The following FAM120C variants were observed in gnomAD, a reference collection of about 807,000 sequenced individuals.
FAM120C encodes the protein family with sequence similarity 120 member C.
A neutral mutation model predicts 71.2 loss-of-function variants in FAM120C; 14 were observed. That is an observed-to-expected ratio of 0.20 (90% confidence interval 0.13 to 0.31). FAM120C has a LOEUF of 0.31. FAM120C is among the 10% of genes least tolerant of loss of function. FAM120C has a pLI of 1.00. For missense variants in FAM120C, 500 were observed against 879.0 expected (o/e 0.57, Z 5.45); for synonymous variants, 354 against 353.2 (o/e 1.00, Z -0.03).
chrX:54,128,271 C>T (rs1557128390), intron 9 of FAM120C, among the ~76,000 whole-genome samples: 1 of 111,429 alleles, frequency 9.0e-6, no homozygotes, highest in East Asian at 2.8e-4. Flanking sequence ...GTTGGCCAGG[C>T]TGGTTTCAAA....
chrX:54,134,061 AAGAC>A lies in FAM120C; in HGVS notation c.1617-19_1617-16del, dbSNP rs2067081881. ...CTGTGATATGACTAAAAAATGTAGAAAGACAGTGTCAAACAGAAAAGGGAGATTG... is the reference window on the plus strand; with the variant it reads ...CTGTGATATGACTAAAAAATGTAGAAAGTGTCAAACAGAAAAGGGAGATTG... On this transcript the variant is annotated splice_polypyrimidine_tract_variant and intron_variant, in intron 7 of 15. Transcript: ENST00000375180. 3 of 1,200,427 alleles carry A rather than the reference AAGAC, an allele frequency of 2.5e-6. No individual in the cohort carries two copies. Among genetic ancestry groups the A allele is most frequent in the Non-Finnish European group, 3.4e-6 (3 of 889,880 alleles).
chrX:54,139,379 C>T (rs947795220), intron 4 of FAM120C, among the ~76,000 whole-genome samples: 21 of 65,828 alleles, frequency 3.2e-4, no homozygotes, highest in African/African-American at 8.4e-4. Flanking sequence ...TGGAGTCTTG[C>T]TCTGTGCCCA....
At chrX:54,108,127 CA>C (rs58819333) in intron 10 of FAM120C, among the ~76,000 whole-genome samples, 15,051 of 105,488 alleles carry the variant, frequency 0.14, 2,249 homozygotes, top group African/African-American at 0.44. Flanking sequence ...CCCCTTTGCA[CA>C]AAAACTTACT....
intron 9 of FAM120C, among the ~76,000 whole-genome samples, chrX:54,117,685 G>A (rs1384561103): frequency 3.7e-5 from 4 of 107,859 alleles, no homozygotes; most frequent in Admixed American, 3.0e-4. Flanking sequence ...GCGACAGAGC[G>A]AGACTTCGTT....
At position 54,171,289 on chromosome X, in the gene FAM120C, T is replaced by C. The variant is rs782087063; in HGVS notation, c.699+11211A>G. Among the ~76,000 whole-genome samples, 8 of 110,851 alleles carry C rather than the reference T, an allele frequency of 7.2e-5. No individual in the cohort carries two copies. The East Asian group carries it at 2.0e-3, about 28-fold the overall frequency. ...TCTGGGTGTGGGTGGCACATGCCAGTAGTCCTAGCTACTGGGGAGGCTGAG... is the reference window on the plus strand; with the variant it reads ...TCTGGGTGTGGGTGGCACATGCCAGCAGTCCTAGCTACTGGGGAGGCTGAG... On this transcript the variant is annotated intron_variant, in intron 1 of 15. Coordinates refer to ENST00000375180, the MANE Select transcript of FAM120C (RefSeq NM_017848.6).
chrX:54,156,165 G>A (rs1337603461), intron 3 of FAM120C, among the ~76,000 whole-genome samples: 1 of 110,134 alleles, frequency 9.1e-6, no homozygotes, highest in Non-Finnish European at 1.9e-5. Context: ...TGAACTGAGA[G>A]TGAGCAAATG....
intron 11 of FAM120C, 132 bp downstream of exon 11, chrX:54,091,180 A>G (rs2066822221): frequency 2.3e-6 from 1 of 436,243 alleles, no homozygotes; most frequent in African/African-American, 2.5e-5. Context: ...AGACATAAAT[A>G]TTTGGTTAAA....
intron 9 of FAM120C, among the ~76,000 whole-genome samples, chrX:54,124,460 C>CG (rs2067014283): frequency 1.3e-5 from 1 of 78,138 alleles, no homozygotes; most frequent in African/African-American, 4.6e-5. Context: ...GCGCAATATT[C>CG]GGGTGGGAGT....
chrX:54,139,680 T>C (rs992066118), intron 4 of FAM120C, among the ~76,000 whole-genome samples: 2 of 110,666 alleles, frequency 1.8e-5, no homozygotes, highest in Admixed American at 1.9e-4. Flanking sequence ...ATTTGTATTT[T>C]TGAGACAGAC....
chrX:54,140,564 G>A (rs2038716606), intron 4 of FAM120C, among the ~76,000 whole-genome samples: 1 of 105,205 alleles, frequency 9.5e-6, no homozygotes, highest in African/African-American at 3.5e-5. Flanking sequence ...AGGTTGCAGT[G>A]AGCTGAAATC....
intron 11 of FAM120C, among the ~76,000 whole-genome samples, chrX:54,090,880 T>C (rs1185886132): frequency 9.0e-6 from 1 of 111,400 alleles, no homozygotes; most frequent in African/African-American, 3.3e-5. Flanking sequence ...CTCCCCTCTA[T>C]ACTACTGTGC....
chrX:54,140,897 G>T (rs782343293), intron 4 of FAM120C, among the ~76,000 whole-genome samples: 4 of 101,736 alleles, frequency 3.9e-5, no homozygotes, highest in African/African-American at 1.4e-4. Flanking sequence ...CCAAGATTGT[G>T]TCACTGCACT....
chrX:54,116,810 T>C lies in FAM120C; in HGVS notation c.2063-16A>G, dbSNP rs782048425. The C allele has an allele frequency of 1.7e-6, 2 of 1,202,600 alleles. No individual in the cohort carries two copies. Among genetic ancestry groups the C allele is most frequent in the African/African-American group, 3.5e-5 (2 of 56,710 alleles). ...ACTGAAGGAACTGGAAAACAGAAATTGAGGAAAAAGAGGCTCTAGAGAATC... is the reference window on the plus strand; with the variant it reads ...ACTGAAGGAACTGGAAAACAGAAATCGAGGAAAAAGAGGCTCTAGAGAATC... On this transcript the variant is annotated splice_polypyrimidine_tract_variant and intron_variant, in intron 9 of 15. Coordinates refer to ENST00000375180, the MANE Select transcript of FAM120C (RefSeq NM_017848.6).
chrX:54,174,283 G>C, intron 1 of FAM120C: 1 of 464,118 alleles, frequency 2.2e-6, no homozygotes. Flanking sequence ...CTCATCAGAA[G>C]CAAGTCACTA....
rs782312394 is a variant in FAM120C at position 54,071,448 on chromosome X, T to C, written c.*1585A>G. 8.9e-6 allele frequency: 1 copy of C among 112,805 alleles called. No homozygotes were observed. Among genetic ancestry groups the C allele is most frequent in the East Asian group, 2.8e-4 (1 of 3,588 alleles). 9.3% of individuals were successfully genotyped at this position (112,805 alleles called of 1,213,427 possible). On this transcript the variant is annotated 3_prime_UTR_variant, in exon 16 of 16. Coordinates refer to ENST00000375180, the MANE Select transcript of FAM120C (RefSeq NM_017848.6). ...AACAATCTAGGCGTGTAAAATCAAA[T>C]AGTTTCCTCACACTTCCCTACCCTA...
At chrX:54,154,246 A>C (rs781858186) in intron 3 of FAM120C, among the ~76,000 whole-genome samples, 2 of 105,372 alleles carry the variant, frequency 1.9e-5, no homozygotes, top group Non-Finnish European at 3.9e-5. Flanking sequence ...TTTGCTGACA[A>C]ATGAGATGTG....
At chrX:54,127,943 G>A (rs1557128302) in intron 9 of FAM120C, among the ~76,000 whole-genome samples, 1 of 110,722 alleles carries the variant, frequency 9.0e-6, no homozygotes, top group Non-Finnish European at 1.9e-5. Flanking sequence ...TGTATGCCCA[G>A]TAGTGGGATG....
At chrX:54,147,657 T>C in intron 4 of FAM120C, 1 of 121,291 alleles carries the variant, frequency 8.2e-6, no homozygotes. Flanking sequence ...CAGTTCCTTT[T>C]AAGAATTTCA....
chrX:54,130,737 G>T (rs2067062125), intron 9 of FAM120C, among the ~76,000 whole-genome samples: 1 of 111,457 alleles, frequency 9.0e-6, no homozygotes, highest in South Asian at 3.7e-4. Flanking sequence ...TGGTAGGGGT[G>T]GGGGTAGACC....
Sources: gnomAD v4.1 joint callset for allele counts (sites outside exome capture counted in the v4.1 genomes callset) on GRCh38, gnomAD v4.1.1 for gene constraint, MANE v1.5 for transcripts, NCBI Gene and HGNC (gene_info 2026-07-23, HGNC 2026-07-21) for gene names.